GRIP1: variants seen among roughly 807,000 people sequenced by gnomAD.
The protein encoded by GRIP1 is glutamate receptor interacting protein 1, also known as glutamate receptor-interacting protein 1.
In GRIP1, 45 loss-of-function variants were observed where a neutral mutation model predicts 129.9. The observed-to-expected ratio is 0.35, with a 90% confidence interval of 0.27 to 0.44. The LOEUF (loss-of-function observed/expected upper bound fraction) is 0.44. Among genes scored for constraint, GRIP1 ranks in the 20% least tolerant of loss-of-function variants. The probability of loss-of-function intolerance (pLI) is 1.00; values close to 1 mark genes in which losing one functional copy is unlikely to be tolerated. For missense variants in GRIP1, 1,196 were observed against 1,396.8 expected (o/e 0.86, Z 2.29); for synonymous variants, 530 against 520.8 (o/e 1.02, Z -0.24).
At chr12:66,541,768 A>ATTACACCCTGTG (rs747986973) in intron 3 of GRIP1, 47 bp downstream of exon 3, 22 of 1,594,290 alleles carry the variant, frequency 1.4e-5, no homozygotes, top group Non-Finnish European at 1.8e-5. Flanking sequence ...TTTTGAATTA[A>ATTACACCCTGTG]TTACACCCTG....
At chr12:66,845,054 T>C (rs2039789286) in intron 1 of GRIP1, among the ~76,000 whole-genome samples, 1 of 152,216 alleles carries the variant, frequency 6.6e-6, no homozygotes, top group East Asian at 1.9e-4. Flanking sequence ...AATGTGAATA[T>C]ACTTAACACT....
chr12:67,057,681 C>T (rs1592526526), intron 1 of GRIP1, among the ~76,000 whole-genome samples: 1 of 152,134 alleles, frequency 6.6e-6, no homozygotes, highest in African/African-American at 2.4e-5. Flanking sequence ...TGGCAAGTAT[C>T]TTATATGTAT....
At chr12:66,582,068 G>A (rs940138448) in intron 2 of GRIP1, among the ~76,000 whole-genome samples, 5 of 152,062 alleles carry the variant, frequency 3.3e-5, no homozygotes, top group Non-Finnish European at 7.4e-5. Context: ...TGATCAAGTG[G>A]GCTTCAACCC....
chr12:66,722,443 C>T (rs2036086478), intron 1 of GRIP1, among the ~76,000 whole-genome samples: 1 of 152,096 alleles, frequency 6.6e-6, no homozygotes, highest in Non-Finnish European at 1.5e-5. Flanking sequence ...TCTATGGGTG[C>T]AGGTCATGGT....
intron 1 of GRIP1, among the ~76,000 whole-genome samples, chr12:66,840,606 T>C (rs572747209): frequency 6.6e-6 from 1 of 152,318 alleles, no homozygotes; most frequent in South Asian, 2.1e-4. Flanking sequence ...ATAAAGTGAA[T>C]TCATTTTACA....
chr12:66,430,473 C>T (rs1446614544), intron 14 of GRIP1, among the ~76,000 whole-genome samples: 1 of 152,054 alleles, frequency 6.6e-6, no homozygotes, highest in African/African-American at 2.4e-5. Flanking sequence ...TAGATTGTTG[C>T]CATTATTGCT....
chr12:66,575,310 A>T (rs1226627739), intron 2 of GRIP1, among the ~76,000 whole-genome samples: 4 of 152,234 alleles, frequency 2.6e-5, no homozygotes. Flanking sequence ...CACAGGTGTG[A>T]GTATTATTAA....
chr12:67,060,367 T>C (rs897651858), intron 1 of GRIP1, among the ~76,000 whole-genome samples: 3 of 152,224 alleles, frequency 2.0e-5, no homozygotes, highest in African/African-American at 7.2e-5. Flanking sequence ...TATCAAATCA[T>C]ATGAAATCAA....
intron 14 of GRIP1, among the ~76,000 whole-genome samples, chr12:66,427,685 T>C (rs1391646931): frequency 6.6e-6 from 1 of 152,086 alleles, no homozygotes; most frequent in African/African-American, 2.4e-5. Flanking sequence ...AGAGATCTCA[T>C]GGAGATAAGG....
chr12:66,362,885 ACT>A (rs2054860246), intron 23 of GRIP1, among the ~76,000 whole-genome samples: 1 of 151,638 alleles, frequency 6.6e-6, no homozygotes, highest in Non-Finnish European at 1.5e-5. Context: ...CAGAGCTCAG[ACT>A]CTGCAAACGT....
At chr12:66,372,104 C>G in intron 22 of GRIP1, 177 bp from the exon 23 acceptor site, 1 of 645,436 alleles carries the variant, frequency 1.5e-6, no homozygotes, top group African/African-American at 1.8e-5. Flanking sequence ...AAATGCTTTG[C>G]AAGTGACATT....
chr12:66,802,499 C>T (rs2038886998), intron 1 of GRIP1, among the ~76,000 whole-genome samples: 1 of 152,146 alleles, frequency 6.6e-6, no homozygotes. Flanking sequence ...TTAGATACCT[C>T]CATATATAGT....
intron 1 of GRIP1, among the ~76,000 whole-genome samples, chr12:67,039,899 A>G (rs2043150789): frequency 1.3e-5 from 2 of 152,166 alleles, no homozygotes. Context: ...ATTTATACTA[A>G]ATGGACCTCC....
intron 1 of GRIP1, among the ~76,000 whole-genome samples, chr12:66,896,519 A>C (rs2040752673): frequency 6.9e-6 from 1 of 145,088 alleles, no homozygotes; most frequent in African/African-American, 2.5e-5. Context: ...TGAATGCCCC[A>C]TTGGATGTAG....
At chr12:66,927,846 T>A (rs560786282) in intron 1 of GRIP1, among the ~76,000 whole-genome samples, 1 of 152,338 alleles carries the variant, frequency 6.6e-6, no homozygotes, top group African/African-American at 2.4e-5. Flanking sequence ...ATGATCATTT[T>A]ATTAGCCTTG....
intron 1 of GRIP1, among the ~76,000 whole-genome samples, chr12:67,046,778 T>C (rs977836483): frequency 5.3e-5 from 8 of 152,314 alleles, no homozygotes; most frequent in Non-Finnish European, 1.0e-4. Flanking sequence ...AAAGTTTACT[T>C]AGAATCACAG....
At chr12:66,534,789 G>A (rs1022345035) in intron 4 of GRIP1, among the ~76,000 whole-genome samples, 2 of 152,040 alleles carry the variant, frequency 1.3e-5, no homozygotes, top group Admixed American at 6.5e-5. Context: ...TGCCTCCCAG[G>A]TTCAAGTGAT....
chr12:66,505,767 G>A (rs1022606414), intron 7 of GRIP1, among the ~76,000 whole-genome samples: 4 of 152,044 alleles, frequency 2.6e-5, no homozygotes, highest in Non-Finnish European at 5.9e-5. Context: ...CATTTATTTT[G>A]CATTCAGTAG....
chr12:66,408,504 A>C (rs915228608), intron 15 of GRIP1, among the ~76,000 whole-genome samples: 12 of 152,126 alleles, frequency 7.9e-5, no homozygotes, highest in African/African-American at 2.9e-4. Flanking sequence ...AAATATAATA[A>C]AAAAATAAAA....
Sources: allele counts gnomAD v4.1 joint callset (sites outside exome capture counted in the v4.1 genomes callset), GRCh38; gene constraint gnomAD v4.1.1; transcripts MANE v1.5; gene names NCBI Gene and HGNC (gene_info 2026-07-23, HGNC 2026-07-21).